Variants in CRIPTO observed in about 807,000 individuals in gnomAD.
CRIPTO encodes the protein protein Cripto.
At chr3:46,579,759 T>C in the CRIPTO span, 1 of 1,612,840 alleles carries the variant, frequency 6.2e-7, no homozygotes, top group African/African-American at 1.3e-5. Context: ...AAACAGAACC[T>C]GCTGCCTGAA....
At chr3:46,577,915 T>A in the CRIPTO span, 1 of 1,579,498 alleles carries the variant, frequency 6.3e-7, no homozygotes, top group Non-Finnish European at 8.7e-7. Context: ...GTTTTGGCAA[T>A]GACTCTGAAT....
the CRIPTO span, chr3:46,578,088 A>G: frequency 6.8e-7 from 1 of 1,469,534 alleles, no homozygotes; most frequent in Non-Finnish European, 9.5e-7. Context: ...CTGTCATTTG[A>G]TTTTTCTCTT....
chr3:46,579,695 C>A, the CRIPTO span: 6 of 1,603,096 alleles, frequency 3.7e-6, no homozygotes, highest in South Asian at 5.5e-5. Flanking sequence ...TGCCCTTGCA[C>A]TTTTCCATCC....
At chr3:46,580,441 C>T in the CRIPTO span, among the ~76,000 whole-genome samples, 1 of 152,084 alleles carries the variant, frequency 6.6e-6, no homozygotes, top group Non-Finnish European at 1.5e-5. Flanking sequence ...TAGAGCCCAC[C>T]CTGACGACAA....
At chr3:46,579,309 G>A in the CRIPTO span, 2 of 1,614,178 alleles carry the variant, frequency 1.2e-6, no homozygotes, top group Non-Finnish European at 8.5e-7. Flanking sequence ...GCCCCAGGAG[G>A]AGCCTGCAAT....
At chr3:46,581,510 CT>C in the CRIPTO span, 138,430 of 519,910 alleles carry the variant, frequency 0.27, 808 homozygotes, top group Middle Eastern at 0.29. Context: ...TCCAGTGTTT[CT>C]TTTTTTTTTT....
chr3:46,578,461 T>A, the CRIPTO span, among the ~76,000 whole-genome samples: 3 of 151,850 alleles, frequency 2.0e-5, no homozygotes, highest in Non-Finnish European at 4.4e-5. Flanking sequence ...ACGCCTGTAA[T>A]CCTAGCACTT....
the CRIPTO span, chr3:46,579,922 A>G: frequency 3.1e-6 from 5 of 1,614,074 alleles, no homozygotes; most frequent in Non-Finnish European, 4.2e-6. Flanking sequence ...TTCAGACCCA[A>G]GGCTATCGCC....
At chr3:46,580,111 C>CT in the CRIPTO span, 9 of 1,613,080 alleles carry the variant, frequency 5.6e-6, no homozygotes, top group South Asian at 7.7e-5. Flanking sequence ...ACGTAGTTGC[C>CT]TTGGGGGGTG....
chr3:46,579,839 C>G, the CRIPTO span: 5 of 1,614,002 alleles, frequency 3.1e-6, no homozygotes, highest in Non-Finnish European at 4.2e-6. Flanking sequence ...ACTGTGAGCA[C>G]GATGTGCGCA....
chr3:46,577,700 G>A, the CRIPTO span: 610 of 457,530 alleles, frequency 1.3e-3, 4 homozygotes, highest in African/African-American at 0.011. Context: ...TCCCCGCCCC[G>A]ACTGGGGTTT....
the CRIPTO span, among the ~76,000 whole-genome samples, chr3:46,574,895 C>T: frequency 1.3e-5 from 2 of 152,112 alleles, no homozygotes; most frequent in East Asian, 3.8e-4. Context: ...ACAATTCTGC[C>T]CCAGTTTTTA....
At chr3:46,581,102 C>A in the CRIPTO span, 1 of 1,558,388 alleles carries the variant, frequency 6.4e-7, no homozygotes, top group Admixed American at 1.7e-5. Context: ...GAGAGGTTTG[C>A]TTTAATGACC....
the CRIPTO span, chr3:46,579,110 G>A: frequency 6.2e-7 from 1 of 1,614,126 alleles, no homozygotes. Context: ...TTTGGATCAT[G>A]GCCATTTCTA....
the CRIPTO span, chr3:46,579,986 C>T: frequency 2.4e-4 from 395 of 1,614,116 alleles, no homozygotes; most frequent in Non-Finnish European, 3.0e-4. Flanking sequence ...ACCTGGCTGC[C>T]CAAGAAGTGT....
chr3:46,581,510 C>CT, the CRIPTO span: 31,475 of 549,840 alleles, frequency 0.057, 69 homozygotes, highest in South Asian at 0.066. Flanking sequence ...TCCAGTGTTT[C>CT]TTTTTTTTTT....
chr3:46,581,847 T>A, the CRIPTO span: 1 of 185,178 alleles, frequency 5.4e-6, no homozygotes, highest in Non-Finnish European at 1.1e-5. Context: ...ACCAAGGTCT[T>A]CTTAATATGT....
the CRIPTO span, among the ~76,000 whole-genome samples, chr3:46,575,203 A>G: frequency 1.3e-5 from 2 of 152,234 alleles, no homozygotes; most frequent in African/African-American, 4.8e-5. Context: ...TGCAGTTAGT[A>G]CAATTAGAAT....
the CRIPTO span, chr3:46,579,717 G>C: frequency 6.2e-7 from 1 of 1,611,586 alleles, no homozygotes; most frequent in South Asian, 1.1e-5. Context: ...TACACCCTCA[G>C]TCATCTGTTC....
Sources: gnomAD v4.1 joint callset for allele counts (sites outside exome capture counted in the v4.1 genomes callset) on GRCh38, gnomAD v4.1.1 for gene constraint, MANE v1.5 for transcripts, NCBI Gene and HGNC (gene_info 2026-07-23, HGNC 2026-07-21) for gene names.